Variants in RGS3 observed in about 807,000 individuals in gnomAD.
The protein encoded by RGS3 is regulator of G protein signaling 3.
Under a neutral mutation model 132.6 loss-of-function variants are expected in RGS3, and 80 were observed. The observed-to-expected ratio is 0.60, with a 90% CI of 0.50 to 0.73. The LOEUF (loss-of-function observed/expected upper bound fraction) is 0.73. RGS3 is among the 30% of genes least tolerant of loss of function. The pLI is 0.00. For synonymous variants in RGS3, 598 were observed against 620.6 expected, an observed-to-expected ratio of 0.96 and a Z score of 0.54; for missense variants, 1,382 against 1,530.8, an observed-to-expected ratio of 0.90 and a Z score of 1.62.
chr9:113,524,048 C>T lies in RGS3; in HGVS notation c.1870+1007C>T, dbSNP rs1832088181. On this transcript the variant is annotated intron_variant, in intron 17 of 24. Coordinates refer to ENST00000350696, the Ensembl canonical transcript of RGS3. ...CACCTCACTGGGTCAGCTCCTCCCT[C>T]CAGGCGGGCTCAGCCTGACCACAGG... Among the ~76,000 whole-genome samples the T allele has an allele frequency of 2.0e-5, 3 of 152,202 alleles. No individual in the cohort carries two copies. The East Asian group carries it at 5.8e-4, about 29-fold the overall frequency.
intron 1 of RGS3, among the ~76,000 whole-genome samples, chr9:113,453,812 A>C (rs1315294856): frequency 6.7e-6 from 1 of 148,744 alleles, no homozygotes; most frequent in Non-Finnish European, 1.5e-5. Context: ...TAATAAATAT[A>C]TATATCTTCC....
At chr9:113,480,120 C>A (rs1177366613) in intron 4 of RGS3, among the ~76,000 whole-genome samples, 1 of 152,150 alleles carries the variant, frequency 6.6e-6, no homozygotes, top group Non-Finnish European at 1.5e-5. Context: ...GTGCTTAGAA[C>A]AGTGCTGAAC....
intron 3 of RGS3, among the ~76,000 whole-genome samples, chr9:113,474,770 C>T (rs1362748236): frequency 6.6e-6 from 1 of 152,188 alleles, no homozygotes; most frequent in Non-Finnish European, 1.5e-5. Context: ...TTTAGGATGC[C>T]TGCTGCTTCA....
intron 7 of RGS3, among the ~76,000 whole-genome samples, chr9:113,489,943 T>C (rs112750936): frequency 0.039 from 6,000 of 152,326 alleles, 164 homozygotes; most frequent in South Asian, 0.1. Flanking sequence ...CTTCCAGGGA[T>C]GGCTGTGAAC....
chr9:113,453,246 AAT>A (rs1829298545), intron 1 of RGS3, among the ~76,000 whole-genome samples: 1 of 88,962 alleles, frequency 1.1e-5, no homozygotes, highest in African/African-American at 4.6e-5. Context: ...ATGATTACAT[AAT>A]ATACTCATTA....
chr9:113,531,997 G>A (rs1832489208), intron 18 of RGS3, among the ~76,000 whole-genome samples: 1 of 152,246 alleles, frequency 6.6e-6, no homozygotes, highest in South Asian at 2.1e-4. Context: ...GCCAAGAGGA[G>A]CTGGGTGTCT....
At chr9:113,525,264 C>T (rs1355885042) in intron 17 of RGS3, among the ~76,000 whole-genome samples, 2 of 152,142 alleles carry the variant, frequency 1.3e-5, no homozygotes, top group Admixed American at 6.5e-5. Flanking sequence ...CACAATCCAA[C>T]GCTTAGATTT....
chr9:113,495,922 C>T (rs761840834), intron 8 of RGS3, 76 bp downstream of exon 6: 61 of 1,311,066 alleles, frequency 4.7e-5, no homozygotes, highest in Non-Finnish European at 6.3e-5. Flanking sequence ...TCTCTGTCAG[C>T]TCTTGGGCAG....
At chr9:113,447,551 C>A (rs896371877) in intron 1 of RGS3, among the ~76,000 whole-genome samples, 1 of 151,054 alleles carries the variant, frequency 6.6e-6, no homozygotes, top group Non-Finnish European at 1.5e-5. Flanking sequence ...CTTCAAAAAT[C>A]ATTTTTAAAA....
exon 20 of RGS3, chr9:113,584,250 C>T (rs199656695): frequency 3.5e-4 from 566 of 1,612,686 alleles, no homozygotes; most frequent in Non-Finnish European, 4.7e-4. Flanking sequence ...GCGAGGGCAG[C>T]CTGCTGCAGG....
At chr9:113,527,532 C>G (rs1832267653) in intron 17 of RGS3, among the ~76,000 whole-genome samples, 1 of 152,172 alleles carries the variant, frequency 6.6e-6, no homozygotes, top group Non-Finnish European at 1.5e-5. Context: ...GGACTCCCTC[C>G]CTCCCCAGTC....
chr9:113,449,423 T>C (rs141534053), intron 1 of RGS3, among the ~76,000 whole-genome samples: 40 of 152,194 alleles, frequency 2.6e-4, no homozygotes, highest in African/African-American at 9.4e-4. Flanking sequence ...ACAATGAAAT[T>C]GTGGTTATAT....
At chr9:113,508,579 A>T (rs763348102) in exon 14 of RGS3, 1 of 1,612,228 alleles carries the variant, frequency 6.2e-7, no homozygotes, top group South Asian at 1.1e-5. Flanking sequence ...CCATCCCCGA[A>T]GGTGAGTCTC....
At chr9:113,492,809 T>C (rs1830561807) in intron 7 of RGS3, among the ~76,000 whole-genome samples, 1 of 151,846 alleles carries the variant, frequency 6.6e-6, no homozygotes, top group East Asian at 1.9e-4. Context: ...TAGAGAGAGG[T>C]TCCTGCTTAT....
At chr9:113,551,144 C>T (rs1833322135) in intron 19 of RGS3, among the ~76,000 whole-genome samples, 1 of 152,188 alleles carries the variant, frequency 6.6e-6, no homozygotes, top group Admixed American at 6.5e-5. Context: ...CTCCTCCAAC[C>T]CTAAGCGACC....
At chr9:113,596,100 C>T (rs1276448475) in intron 24 of RGS3, among the ~76,000 whole-genome samples, 2 of 152,216 alleles carry the variant, frequency 1.3e-5, no homozygotes, top group Non-Finnish European at 2.9e-5. Context: ...TTTGGGAAGC[C>T]GAGCCAGGCG....
At chr9:113,447,329 G>GTATATACATATATATATATATATA (rs1829129050) in intron 1 of RGS3, among the ~76,000 whole-genome samples, 1 of 27,536 alleles carries the variant, frequency 3.6e-5, no homozygotes, top group Admixed American at 5.6e-4. Context: ...GTATGTATAT[G>GTATATACATATATATATATATATA]TATATATATA....
intron 19 of RGS3, among the ~76,000 whole-genome samples, chr9:113,575,896 A>G (rs1834499281): frequency 6.6e-6 from 1 of 152,188 alleles, no homozygotes. Context: ...TCAAACTTTA[A>G]TGTGCAAATG....
intron 19 of RGS3, among the ~76,000 whole-genome samples, chr9:113,561,584 T>A (rs1283216349): frequency 6.7e-6 from 1 of 148,644 alleles, no homozygotes; most frequent in Admixed American, 6.6e-5. Flanking sequence ...AGCTAATTTT[T>A]AATTTTTTTT....
Sources: allele counts gnomAD v4.1 joint callset (sites outside exome capture counted in the v4.1 genomes callset), GRCh38; gene constraint gnomAD v4.1.1; transcripts MANE v1.5; gene names NCBI Gene and HGNC (gene_info 2026-07-23, HGNC 2026-07-21).